FGF14: variants seen among roughly 807,000 people sequenced by gnomAD.
FGF14 encodes fibroblast growth factor 14, also known as fibroblast growth factor homologous factor 4.
In FGF14, 5 loss-of-function variants were observed where a neutral mutation model predicts 25.5. That is an observed-to-expected ratio of 0.20 (90% CI 0.10 to 0.41). The LOEUF is 0.41. Among genes scored for constraint, FGF14 ranks in the 10% least tolerant of loss-of-function variants. FGF14 has a pLI of 1.00. For missense variants in FGF14, 222 were observed against 320.1 expected, an observed-to-expected ratio of 0.69 and a Z score of 2.34; for synonymous variants, 138 against 118.3, an observed-to-expected ratio of 1.17 and a Z score of -1.08.
At chr13:102,396,753 C>A (rs2058594300) in intron 1 of FGF14, among the ~76,000 whole-genome samples, 1 of 152,196 alleles carries the variant, frequency 6.6e-6, no homozygotes, top group African/African-American at 2.4e-5. Context: ...GATTATCATG[C>A]ATTGAATTTT....
intron 1 of FGF14, among the ~76,000 whole-genome samples, chr13:102,353,494 A>C (rs2057344147): frequency 6.6e-6 from 1 of 152,168 alleles, no homozygotes; most frequent in Non-Finnish European, 1.5e-5. Flanking sequence ...ACAATGTCCT[A>C]AGCTGAAAGC....
At chr13:102,397,868 TA>T (rs2058619166) in intron 1 of FGF14, among the ~76,000 whole-genome samples, 2 of 152,282 alleles carry the variant, frequency 1.3e-5, no homozygotes, top group South Asian at 4.1e-4. Context: ...TCAAGCAAAA[TA>T]AATGCCTTGG....
chr13:102,401,893 C>T, upstream of FGF14: 4 of 596,890 alleles, frequency 6.7e-6, no homozygotes, highest in South Asian at 2.0e-5. Context: ...GAGATCAAAA[C>T]TAATCAGGGA....
At chr13:102,083,159 A>T (rs1015015046) in intron 1 of FGF14, among the ~76,000 whole-genome samples, 10 of 152,032 alleles carry the variant, frequency 6.6e-5, no homozygotes, top group African/African-American at 2.4e-4. Context: ...TGTCTACTCT[A>T]CCTTCAAATA....
chr13:102,059,617 G>A (rs1288024769), intron 1 of FGF14, among the ~76,000 whole-genome samples: 9 of 152,178 alleles, frequency 5.9e-5, no homozygotes, highest in Admixed American at 1.3e-4. Context: ...TTGGGAGGCC[G>A]AGGCGGGTGG....
At chr13:101,792,595 G>T (rs2040300226) in intron 3 of FGF14, among the ~76,000 whole-genome samples, 1 of 152,132 alleles carries the variant, frequency 6.6e-6, no homozygotes, top group African/African-American at 2.4e-5. Context: ...CATTGCAAGA[G>T]GGCTGTGAAA....
At chr13:102,008,462 T>C (rs559981138) in intron 1 of FGF14, among the ~76,000 whole-genome samples, 1 of 152,286 alleles carries the variant, frequency 6.6e-6, no homozygotes, top group South Asian at 2.1e-4. Flanking sequence ...CTATAAGTCT[T>C]CCCATTAAAC....
chr13:101,855,282 T>TCAA (rs2044067676), intron 3 of FGF14, among the ~76,000 whole-genome samples: 2 of 152,048 alleles, frequency 1.3e-5, no homozygotes, highest in Admixed American at 1.3e-4. Flanking sequence ...AACTTGCTGT[T>TCAA]CTTACTGTCA....
At chr13:101,850,946 T>C (rs1045040547) in intron 3 of FGF14, among the ~76,000 whole-genome samples, 8 of 151,812 alleles carry the variant, frequency 5.3e-5, no homozygotes, top group Admixed American at 2.6e-4. Context: ...TTATGAGGGA[T>C]AGGAAGTTAA....
intron 1 of FGF14, among the ~76,000 whole-genome samples, chr13:102,143,384 GTAATA>G (rs2140466234): frequency 6.6e-6 from 1 of 152,206 alleles, no homozygotes; most frequent in Admixed American, 6.6e-5. Flanking sequence ...ATGTGCTTAT[GTAATA>G]TATTAAATGC....
chr13:102,066,360 A>G (rs764769484), intron 1 of FGF14, among the ~76,000 whole-genome samples: 8 of 152,310 alleles, frequency 5.3e-5, no homozygotes, highest in South Asian at 2.1e-4. Flanking sequence ...CCTGACATCT[A>G]ATTTGCATCA....
intron 1 of FGF14, among the ~76,000 whole-genome samples, chr13:102,361,723 A>G (rs1297830603): frequency 6.6e-6 from 1 of 152,164 alleles, no homozygotes; most frequent in Non-Finnish European, 1.5e-5. Flanking sequence ...CACTATTTTG[A>G]ATTCTAGACC....
At chr13:102,003,299 A>G (rs1159705550) in intron 1 of FGF14, 1 of 152,230 alleles carries the variant, frequency 6.6e-6, no homozygotes, top group African/African-American at 2.4e-5. Context: ...CCTGTGAATA[A>G]AGAGAGCCAT....
At chr13:102,178,828 C>A (rs1263030401) in intron 1 of FGF14, among the ~76,000 whole-genome samples, 1 of 151,762 alleles carries the variant, frequency 6.6e-6, no homozygotes, top group African/African-American at 2.4e-5. Flanking sequence ...TATATATATA[C>A]CAAAAATTTT....
chr13:101,784,787 A>C lies in FGF14; in HGVS notation c.409-57977T>G, dbSNP rs2039707341. 4.6e-5 allele frequency among the ~76,000 whole-genome samples: 7 copies of C among 152,330 alleles called. 1 individual carries two copies. The South Asian group carries it at 1.5e-3, about 32-fold the overall frequency. ...CTGTGTGTCTTGAACTGTTTAAGAC[A>C]ATAGACATACACTGTTGAATGAATT... On this transcript the variant is annotated intron_variant, in intron 3 of 4. Coordinates refer to ENST00000376143, the MANE Select transcript of FGF14 (RefSeq NM_004115.4).
At chr13:102,224,509 C>T (rs1030554505) in intron 1 of FGF14, among the ~76,000 whole-genome samples, 1 of 152,100 alleles carries the variant, frequency 6.6e-6, no homozygotes, top group Non-Finnish European at 1.5e-5. Context: ...TTTATCATTA[C>T]CACAAGTTGT....
chr13:102,163,660 G>A (rs78480031), intron 1 of FGF14, among the ~76,000 whole-genome samples: 2 of 152,042 alleles, frequency 1.3e-5, no homozygotes, highest in Non-Finnish European at 2.9e-5. Context: ...GATCTGGCTG[G>A]CTGCAAAGGC....
chr13:102,077,963 G>A (rs1257292797), intron 1 of FGF14, among the ~76,000 whole-genome samples: 3 of 152,084 alleles, frequency 2.0e-5, no homozygotes, highest in Admixed American at 1.3e-4. Flanking sequence ...CCTTAAAAAC[G>A]AAGGAAATCT....
intron 3 of FGF14, among the ~76,000 whole-genome samples, chr13:101,843,343 G>C (rs2140325990): frequency 6.6e-6 from 1 of 152,022 alleles, no homozygotes; most frequent in Non-Finnish European, 1.5e-5. Context: ...TACATCTACT[G>C]TACAGCAAAG....
Sources: gnomAD v4.1 joint callset for allele counts (sites outside exome capture counted in the v4.1 genomes callset) on GRCh38, gnomAD v4.1.1 for gene constraint, MANE v1.5 for transcripts, NCBI Gene and HGNC (gene_info 2026-07-23, HGNC 2026-07-21) for gene names.